GPM6A: variants seen among roughly 807,000 people sequenced by gnomAD.
The protein encoded by GPM6A is glycoprotein M6A, also known as neuronal membrane glycoprotein M6-a.
Under a neutral mutation model 32.1 loss-of-function variants are expected in GPM6A, and 7 were observed. The observed-to-expected ratio is 0.22, with a 90% CI of 0.12 to 0.41. GPM6A has a LOEUF of 0.41. Among genes scored for constraint, GPM6A ranks in the 10% least tolerant of loss-of-function variants. The pLI, the probability that GPM6A is intolerant of heterozygous loss-of-function variation, is 1.00. For missense variants in GPM6A, 235 were observed against 347.2 expected (o/e 0.68, Z 2.57); for synonymous variants, 130 against 123.4 (o/e 1.05, Z -0.35).
At chr4:175,919,780 G>A (rs1738607859) in intron 1 of GPM6A, among the ~76,000 whole-genome samples, 1 of 152,198 alleles carries the variant, frequency 6.6e-6, no homozygotes, top group Admixed American at 6.5e-5. Flanking sequence ...TTATGGACAA[G>A]GAGCTCTAAC....
chr4:175,799,572 A>C (rs1734378799), intron 1 of GPM6A, among the ~76,000 whole-genome samples: 2 of 152,182 alleles, frequency 1.3e-5, no homozygotes, highest in South Asian at 2.1e-4. Flanking sequence ...TTTTATGTAC[A>C]AAAGTAAAAA....
intron 1 of GPM6A, among the ~76,000 whole-genome samples, chr4:175,981,958 A>G (rs1210994863): frequency 1.3e-5 from 2 of 151,892 alleles, no homozygotes; most frequent in East Asian, 1.9e-4. Context: ...AACTATTCCC[A>G]TAGGTGTATT....
intron 1 of GPM6A, chr4:175,906,886 T>C (rs1738149489): frequency 6.6e-6 from 1 of 152,128 alleles, no homozygotes; most frequent in South Asian, 2.1e-4. Context: ...ATTTATGACA[T>C]CACTGAAAGC....
intron 1 of GPM6A, among the ~76,000 whole-genome samples, chr4:175,789,935 A>C (rs1054741755): frequency 3.3e-5 from 5 of 152,196 alleles, no homozygotes; most frequent in African/African-American, 1.2e-4. Flanking sequence ...CATTGATAGC[A>C]AATATATTTG....
At chr4:175,669,493 A>G (rs1742933236) in intron 3 of GPM6A, among the ~76,000 whole-genome samples, 1 of 152,240 alleles carries the variant, frequency 6.6e-6, no homozygotes, top group South Asian at 2.1e-4. Context: ...TCCAATGAAC[A>G]TTTCCTTTGA....
rs1445398983 is a variant in GPM6A at position 175,976,216 on chromosome 4, G to GCTGCAAGCTGCACTCGGCTCA, written c.-23+26072_-23+26092dup. The stretch of plus-strand genomic sequence containing the variant: ...CCTGTGTCGCCCAGGCTGGAGTGCA[G>GCTGCAAGCTGCACTCGGCTCA]CTGCAAGCTGCACTCGGCTCACTGC... On this transcript the variant is annotated intron_variant, in intron 1 of 7. Coordinates refer to the GPM6A transcript ENST00000280187. Among the ~76,000 whole-genome samples the GCTGCAAGCTGCACTCGGCTCA allele has an allele frequency of 8.0e-5, 12 of 149,326 alleles. No homozygotes were observed. The East Asian group carries it at 2.4e-3, about 30-fold the overall frequency.
At chr4:175,954,374 C>T (rs1739916570) in intron 1 of GPM6A, among the ~76,000 whole-genome samples, 2 of 152,120 alleles carry the variant, frequency 1.3e-5, no homozygotes, top group African/African-American at 4.8e-5. Flanking sequence ...TGTATCAGTG[C>T]GAAACCCGGC....
intron 1 of GPM6A, among the ~76,000 whole-genome samples, chr4:175,892,413 A>G (rs1023360646): frequency 1.3e-5 from 2 of 152,118 alleles, no homozygotes; most frequent in African/African-American, 4.8e-5. Flanking sequence ...CTATCCTTCA[A>G]CTTGTAATTC....
At chr4:175,931,131 G>C (rs192295322) in intron 1 of GPM6A, among the ~76,000 whole-genome samples, 1 of 152,238 alleles carries the variant, frequency 6.6e-6, no homozygotes, top group Admixed American at 6.5e-5. Context: ...AACTGAGATT[G>C]AGATAGGCAC....
chr4:175,917,681 T>C (rs1738537648), intron 1 of GPM6A, among the ~76,000 whole-genome samples: 2 of 152,118 alleles, frequency 1.3e-5, no homozygotes, highest in Admixed American at 1.3e-4. Context: ...TAATCCAGGA[T>C]GGACATGTTA....
intron 1 of GPM6A, among the ~76,000 whole-genome samples, chr4:175,785,012 T>C (rs1028853716): frequency 5.3e-5 from 8 of 152,196 alleles, no homozygotes; most frequent in East Asian, 1.9e-4. Context: ...CATGGAAACA[T>C]AGAATCTAAT....
chr4:175,643,170 T>C (rs1741253268), intron 4 of GPM6A, among the ~76,000 whole-genome samples: 1 of 152,154 alleles, frequency 6.6e-6, no homozygotes, highest in Non-Finnish European at 1.5e-5. Context: ...ATTAATACAA[T>C]CATTTGCTAA....
rs1345162891 is a variant in GPM6A, at chr4:175,948,195, G to A, written c.-23+54114C>T. ...GATACCCTCATGTTATAGACAGGATGTGTCCCCCTGAAAGTTCACATGTTG... is the reference window on the plus strand; with the variant it reads ...GATACCCTCATGTTATAGACAGGATATGTCCCCCTGAAAGTTCACATGTTG... On this transcript the variant is annotated intron_variant, in intron 1 of 7. Transcript: ENST00000280187. 2.6e-5 allele frequency among the ~76,000 whole-genome samples: 4 copies of A among 152,286 alleles called. No individual in the cohort carries two copies. The South Asian group carries it at 8.3e-4, about 32-fold the overall frequency.
intron 1 of GPM6A, among the ~76,000 whole-genome samples, chr4:175,762,554 GCAGA>G (rs941840237): frequency 9.2e-5 from 14 of 152,164 alleles, no homozygotes; most frequent in African/African-American, 2.6e-4. Context: ...ATAAAAGACA[GCAGA>G]CAAAGGATTT....
In GPM6A at chr4:175,797,953, C is replaced by A. The variant is rs545791499; in HGVS notation, c.37+14238G>T. Among the ~76,000 whole-genome samples, 8 of 152,108 alleles carry A rather than the reference C, an allele frequency of 5.3e-5. No homozygotes were observed. In the South Asian group the frequency reaches 1.7e-3, roughly 32 times the overall value. ...AGACTCTAAGTGTGGTTCCAGGATC[C>A]ACAAAAATAGAATTACCTGAGAAAG... On this transcript the variant is annotated intron_variant, in intron 1 of 6. Transcript: ENST00000393658.
chr4:175,648,662 T>C (rs1004745058), intron 4 of GPM6A, among the ~76,000 whole-genome samples: 1 of 152,302 alleles, frequency 6.6e-6, no homozygotes, highest in African/African-American at 2.4e-5. Context: ...CAGGAGCAGC[T>C]TCCTTTCCTA....
chr4:175,875,132 C>T (rs1737041935), intron 1 of GPM6A, among the ~76,000 whole-genome samples: 1 of 152,040 alleles, frequency 6.6e-6, no homozygotes, highest in South Asian at 2.1e-4. Context: ...AACCTTGATG[C>T]AAGAATACTA....
At chr4:175,756,981 C>A (rs889889151) in intron 1 of GPM6A, among the ~76,000 whole-genome samples, 1 of 151,936 alleles carries the variant, frequency 6.6e-6, no homozygotes, top group East Asian at 1.9e-4. Context: ...TTTAAGAAGG[C>A]GAACTGGAGG....
At chr4:175,784,542 C>T (rs1733725738) in intron 1 of GPM6A, among the ~76,000 whole-genome samples, 1 of 152,092 alleles carries the variant, frequency 6.6e-6, no homozygotes, top group Non-Finnish European at 1.5e-5. Flanking sequence ...TCTGTACTAT[C>T]TTTGCAATGC....
Sources: gnomAD v4.1 joint callset for allele counts (sites outside exome capture counted in the v4.1 genomes callset) on GRCh38, gnomAD v4.1.1 for gene constraint, MANE v1.5 for transcripts, NCBI Gene and HGNC (gene_info 2026-07-23, HGNC 2026-07-21) for gene names.